Variants in KIRREL3 observed in about 807,000 individuals in gnomAD.
The protein encoded by KIRREL3 is kirre like nephrin family adhesion molecule 3.
Under a neutral mutation model 89.7 loss-of-function variants are expected in KIRREL3, and 36 were observed. The ratio of observed to expected loss-of-function variants is 0.40; its 90% CI spans 0.31 to 0.53. The LOEUF (loss-of-function observed/expected upper bound fraction) is 0.53, where lower values mean the gene tolerates loss of function less well. Ranked by LOEUF, KIRREL3 falls within the 20% of genes least tolerant of loss-of-function variation. KIRREL3 has a pLI of 0.49. For synonymous variants in KIRREL3, 445 were observed against 441.4 expected (o/e 1.01, Z -0.10); for missense variants, 864 against 1,056.6 (o/e 0.82, Z 2.53).
chr11:126,494,173 T>C (rs1171032597), intron 4 of KIRREL3, among the ~76,000 whole-genome samples: 1 of 152,212 alleles, frequency 6.6e-6, no homozygotes, highest in Non-Finnish European at 1.5e-5. Flanking sequence ...ATGGTCAAAA[T>C]GCCAATTCTC....
In KIRREL3 at chr11:126,873,361, A is replaced by C. The variant is rs184767518; in HGVS notation, c.55+127094T>G. The stretch of plus-strand genomic sequence containing the variant: ...AGGGAAAAGAATAAAAGTCAGATTC[A>C]GGCCAAACAAGACATTCAACTTTGC... On this transcript the variant is annotated intron_variant, in intron 1 of 16. Coordinates refer to ENST00000525144, the MANE Select transcript of KIRREL3 (RefSeq NM_032531.4). Among the ~76,000 whole-genome samples the C allele has an allele frequency of 8.9e-4, 135 of 152,354 alleles. 1 individual carries two copies. Among genetic ancestry groups the C allele is most frequent in the Non-Finnish European group, 1.4e-3 (95 of 68,028 alleles).
At chr11:126,929,778 A>G (rs1341002073) in intron 1 of KIRREL3, among the ~76,000 whole-genome samples, 1 of 152,200 alleles carries the variant, frequency 6.6e-6, no homozygotes. Flanking sequence ...ATCAGGCTGC[A>G]CATTTGCCTA....
chr11:126,784,168 T>C (rs1014238709), intron 1 of KIRREL3, among the ~76,000 whole-genome samples: 2 of 152,180 alleles, frequency 1.3e-5, no homozygotes, highest in African/African-American at 4.8e-5. Flanking sequence ...GATGAGCCCC[T>C]GGGGCAGAAA....
intron 2 of KIRREL3, among the ~76,000 whole-genome samples, chr11:126,552,298 C>T (rs1939326113): frequency 6.6e-6 from 1 of 152,174 alleles, no homozygotes; most frequent in Admixed American, 6.5e-5. Flanking sequence ...CCATTCATAC[C>T]CGGGAAGGTT....
rs190646641 is a variant in KIRREL3 at position 126,491,725 on chromosome 11, G to A, written c.434-18259C>T. Among the ~76,000 whole-genome samples the A allele has an allele frequency of 7.9e-5, 12 of 151,322 alleles. No homozygotes were observed. Among genetic ancestry groups the A allele is most frequent in the African/African-American group, 2.7e-4 (11 of 41,146 alleles). Reference sequence around the variant, plus strand: ...TTTTTCTTTTTTTTTATATTTATACGGAGTCTTGCTCTGTCACCCAAGCTG... The same window carrying A: ...TTTTTCTTTTTTTTTATATTTATACAGAGTCTTGCTCTGTCACCCAAGCTG... On this transcript the variant is annotated intron_variant, in intron 4 of 16. Transcript: ENST00000525144. This position sits in a 1 kb window ranked among gnomAD's most constrained non-coding sequence, Gnocchi z 5.5.
rs1166364663 is a variant in KIRREL3, at chr11:126,541,322, G to A, written c.134-14635C>T. On this transcript the variant is annotated intron_variant, in intron 2 of 16. Coordinates refer to ENST00000525144, the MANE Select transcript of KIRREL3 (RefSeq NM_032531.4). The surrounding 1 kb of genome is among the most constrained non-coding windows in gnomAD (Gnocchi z 4.8). ...TAACTAAGACTCAGATGCCTTATCT[G>A]TAAAATGCAAGGTTTAAGCGCCTTC... Among the ~76,000 whole-genome samples, 2 of 152,230 alleles carry A rather than the reference G, an allele frequency of 1.3e-5. No homozygotes were observed. Among genetic ancestry groups the A allele is most frequent in the South Asian group, 4.1e-4 (2 of 4,830 alleles).
In KIRREL3 at chr11:126,912,614, G is replaced by A. The variant is rs1946869364; in HGVS notation, c.55+87841C>T. Among the ~76,000 whole-genome samples the A allele has an allele frequency of 6.6e-6, 1 of 152,204 alleles. No homozygotes were observed. On this transcript the variant is annotated intron_variant, in intron 1 of 16. Coordinates refer to ENST00000525144, the MANE Select transcript of KIRREL3 (RefSeq NM_032531.4). This position sits in a 1 kb window ranked among gnomAD's most constrained non-coding sequence, Gnocchi z 4.7. ...TACGATCCTGATGAACAGGAGAAGGGAGAAGAACTTCACCTTCCTTCAAGA... is the reference window on the plus strand; with the variant it reads ...TACGATCCTGATGAACAGGAGAAGGAAGAAGAACTTCACCTTCCTTCAAGA...
In KIRREL3 at chr11:126,994,251, C is replaced by T. The variant is rs1283626923; in HGVS notation, c.55+6204G>A. Reference sequence around the variant, plus strand: ...GGTCAGGAGGGCGTGGGAAGGCTTCCAGATGCCAGGAAAAACCTGTCCAGG... The same window carrying T: ...GGTCAGGAGGGCGTGGGAAGGCTTCTAGATGCCAGGAAAAACCTGTCCAGG... On this transcript the variant is annotated intron_variant, in intron 1 of 16. Transcript: ENST00000525144. This position sits in a 1 kb window ranked among gnomAD's most constrained non-coding sequence, Gnocchi z 5.2. Among the ~76,000 whole-genome samples, 1 of 152,032 alleles carries T rather than the reference C, an allele frequency of 6.6e-6. No individual in the cohort carries two copies. Among genetic ancestry groups the T allele is most frequent in the Non-Finnish European group, 1.5e-5 (1 of 68,006 alleles).
intron 1 of KIRREL3, among the ~76,000 whole-genome samples, chr11:126,986,928 C>T (rs1271755868): frequency 1.3e-5 from 2 of 152,162 alleles, no homozygotes; most frequent in African/African-American, 2.4e-5. Context: ...TTGATGGCAC[C>T]TGTGCTCCAA....
chr11:126,800,981 C>T (rs771484687), intron 1 of KIRREL3, among the ~76,000 whole-genome samples: 9 of 152,096 alleles, frequency 5.9e-5, no homozygotes, highest in East Asian at 1.9e-4. Flanking sequence ...AGTGAGGACA[C>T]GGGGAACACT....
intron 1 of KIRREL3, among the ~76,000 whole-genome samples, chr11:126,654,275 A>C (rs906555977): frequency 6.6e-6 from 1 of 151,558 alleles, no homozygotes; most frequent in African/African-American, 2.4e-5. Flanking sequence ...GACTTTTACC[A>C]CTTCAGTGAT....
chr11:126,436,262 G>A (rs1033164273), intron 12 of KIRREL3, among the ~76,000 whole-genome samples: 13 of 152,290 alleles, frequency 8.5e-5, no homozygotes, highest in East Asian at 1.9e-4. Context: ...CCCAGCCCCC[G>A]ACCCTAGGGA....
intron 1 of KIRREL3, among the ~76,000 whole-genome samples, chr11:126,804,779 G>C (rs974320820): frequency 6.6e-6 from 1 of 152,114 alleles, no homozygotes; most frequent in Admixed American, 6.5e-5. Flanking sequence ...TCCAAGCAGT[G>C]GCTCACAACC....
intron 1 of KIRREL3, among the ~76,000 whole-genome samples, chr11:126,670,006 C>T (rs1460589842): frequency 6.6e-6 from 1 of 152,198 alleles, no homozygotes; most frequent in Non-Finnish European, 1.5e-5. Flanking sequence ...TGACTCTTCC[C>T]ATTCCTTCTC....
In KIRREL3 at chr11:126,807,593, G is replaced by C. The variant is rs959385084; in HGVS notation, c.55+192862C>G. On this transcript the variant is annotated intron_variant, in intron 1 of 16. Coordinates refer to ENST00000525144, the MANE Select transcript of KIRREL3 (RefSeq NM_032531.4). This position sits in a 1 kb window ranked among gnomAD's most constrained non-coding sequence, Gnocchi z 4.3. ...TCATAGACACACGGAACCTCATGCA[G>C]GTACCCAATTATGCTGTGCCCTTCC... Among the ~76,000 whole-genome samples, 1 of 152,204 alleles carries C rather than the reference G, an allele frequency of 6.6e-6. No homozygotes were observed. The highest frequency in any genetic ancestry group is 1.5e-5 in the Non-Finnish European group (1 of 68,046).
In KIRREL3 at chr11:126,843,746, A is replaced by G. The variant is rs1282205614; in HGVS notation, c.55+156709T>C. ...GTCATGGAGACTTTGCTGATAAAACAGCTTACAGTAAAAAAGCTGGCTAAA... is the reference window on the plus strand; with the variant it reads ...GTCATGGAGACTTTGCTGATAAAACGGCTTACAGTAAAAAAGCTGGCTAAA... On this transcript the variant is annotated intron_variant, in intron 1 of 16. Transcript: ENST00000525144. The surrounding 1 kb of genome is among the most constrained non-coding windows in gnomAD (Gnocchi z 4.6). 1.3e-5 allele frequency among the ~76,000 whole-genome samples: 2 copies of G among 152,200 alleles called. No individual in the cohort carries two copies. Among genetic ancestry groups the G allele is most frequent in the African/African-American group, 4.8e-5 (2 of 41,452 alleles).
chr11:126,626,211 C>G (rs1483320890), intron 1 of KIRREL3, among the ~76,000 whole-genome samples: 1 of 152,220 alleles, frequency 6.6e-6, no homozygotes, highest in East Asian at 1.9e-4. Context: ...TCCTTCAACT[C>G]AGCAGCATGC....
At chr11:126,548,332 C>A (rs1938982082) in intron 2 of KIRREL3, among the ~76,000 whole-genome samples, 1 of 152,346 alleles carries the variant, frequency 6.6e-6, no homozygotes, top group Non-Finnish European at 1.5e-5. Flanking sequence ...TGTCTGGACC[C>A]CTTCTCTTGA....
intron 1 of KIRREL3, among the ~76,000 whole-genome samples, chr11:126,816,635 C>T (rs970255532): frequency 2.0e-5 from 3 of 152,244 alleles, no homozygotes; most frequent in Non-Finnish European, 2.9e-5. Context: ...GAATCTCCCA[C>T]GTGCTCACAA....
Sources: allele counts gnomAD v4.1 joint callset (sites outside exome capture counted in the v4.1 genomes callset), GRCh38; gene constraint gnomAD v4.1.1; non-coding constraint Gnocchi (gnomAD v3.1); transcripts MANE v1.5; gene names NCBI Gene and HGNC (gene_info 2026-07-23, HGNC 2026-07-21).